The following TRDN variants were observed in gnomAD, a reference collection of about 807,000 sequenced individuals.
TRDN encodes the protein triadin, also known as triadin in skeletal muscle.
A neutral mutation model predicts 149.7 loss-of-function variants in TRDN; 161 were observed. The ratio of observed to expected loss-of-function variants is 1.08; its 90% confidence interval spans 0.95 to 1.23. The LOEUF (loss-of-function observed/expected upper bound fraction) is 1.23, where lower values mean the gene tolerates loss of function less well. TRDN is among the 50% of genes most tolerant of loss of function. The pLI is 0.00. For synonymous variants in TRDN, 294 were observed against 250.5 expected, an observed-to-expected ratio of 1.17 and a Z score of -1.64; for missense variants, 896 against 823.5, an observed-to-expected ratio of 1.09 and a Z score of -1.08.
intron 20 of TRDN, among the ~76,000 whole-genome samples, chr6:123,357,297 A>G (rs939301451): frequency 6.6e-6 from 1 of 152,080 alleles, no homozygotes; most frequent in African/African-American, 2.4e-5. Context: ...TTGATAATAA[A>G]TATTTTCAGT....
At chr6:123,314,883 A>G (rs1459800790) in intron 24 of TRDN, among the ~76,000 whole-genome samples, 1 of 151,994 alleles carries the variant, frequency 6.6e-6, no homozygotes, top group African/African-American at 2.4e-5. Flanking sequence ...AGAAAAAATA[A>G]CTAATGGATA....
chr6:123,580,263 T>C (rs1783057933), intron 1 of TRDN, among the ~76,000 whole-genome samples: 2 of 152,176 alleles, frequency 1.3e-5, no homozygotes, highest in African/African-American at 4.8e-5. Flanking sequence ...ACACTATTTT[T>C]TCTACAAACA....
chr6:123,418,716 C>G (rs1218246941), intron 12 of TRDN: 1 of 152,188 alleles, frequency 6.6e-6, no homozygotes, highest in African/African-American at 2.4e-5. Flanking sequence ...TCCATTCCAT[C>G]TTCTCGGTTT....
chr6:123,552,252 G>A (rs1349133436), intron 2 of TRDN, among the ~76,000 whole-genome samples: 2 of 152,108 alleles, frequency 1.3e-5, no homozygotes, highest in Admixed American at 6.6e-5. Flanking sequence ...TGATGAAAGA[G>A]TGCCAAGAGA....
At position 123,558,929 on chromosome 6, in the gene TRDN, G is replaced by A. The variant is rs139404136; in HGVS notation, c.233-10317C>T. Among the ~76,000 whole-genome samples the A allele has an allele frequency of 1.4e-3, 208 of 152,302 alleles. 4 individuals are homozygous for A. The East Asian group carries it at 0.036, about 27-fold the overall frequency. ...ACCTTGCCACAAGTGCCGGAAATCC[G>A]GCCACTGGGCCAACAAATGCCCATA... On this transcript the variant is annotated intron_variant, in intron 2 of 40. Coordinates refer to ENST00000334268, the MANE Select transcript of TRDN (RefSeq NM_006073.4).
rs921996852 is a variant in TRDN, at chr6:123,243,420, A to G, written c.1975+8992T>C. ...AAAGAAATACAATAATTGTCTAGCA[A>G]TAGATCCCAATGGAAAAGAAAATCA... On this transcript the variant is annotated intron_variant, in intron 38 of 40. Coordinates refer to ENST00000334268, the MANE Select transcript of TRDN (RefSeq NM_006073.4). 3.2e-4 allele frequency among the ~76,000 whole-genome samples: 48 copies of G among 152,334 alleles called. 1 individual carries two copies. Among genetic ancestry groups the G allele is most frequent in the African/African-American group, 1.1e-3 (47 of 41,596 alleles).
At chr6:123,401,965 A>G (rs1479238464) in intron 12 of TRDN, among the ~76,000 whole-genome samples, 1 of 152,148 alleles carries the variant, frequency 6.6e-6, no homozygotes, top group Admixed American at 6.5e-5. Flanking sequence ...AAAAAAAAAA[A>G]AAACTAAAGG....
chr6:123,344,452 C>G (rs1444734107), intron 21 of TRDN, among the ~76,000 whole-genome samples: 1 of 151,958 alleles, frequency 6.6e-6, no homozygotes, highest in East Asian at 1.9e-4. Flanking sequence ...CTCCCCAAAC[C>G]CTAGTAACCA....
At chr6:123,229,895 T>G (rs190349318) in intron 38 of TRDN, among the ~76,000 whole-genome samples, 1 of 152,116 alleles carries the variant, frequency 6.6e-6, no homozygotes, top group East Asian at 1.9e-4. Flanking sequence ...AAAATGCAGA[T>G]TTCTCATTCT....
chr6:123,271,733 C>G (rs947902521), intron 29 of TRDN, among the ~76,000 whole-genome samples: 1 of 151,900 alleles, frequency 6.6e-6, no homozygotes, highest in Non-Finnish European at 1.5e-5. Context: ...TGCCCTGATA[C>G]TACATGAAAT....
intron 24 of TRDN, among the ~76,000 whole-genome samples, chr6:123,300,604 C>T (rs1408762553): frequency 6.6e-6 from 1 of 151,764 alleles, no homozygotes; most frequent in Non-Finnish European, 1.5e-5. Context: ...ACTAAATTGG[C>T]TAAGAAATAG....
At chr6:123,416,019 T>C (rs1471000048) in intron 12 of TRDN, among the ~76,000 whole-genome samples, 1 of 152,118 alleles carries the variant, frequency 6.6e-6, no homozygotes, top group Non-Finnish European at 1.5e-5. Flanking sequence ...GGATGGAGTA[T>C]GACGTTCACA....
At chr6:123,609,061 T>C (rs1175201928) in intron 1 of TRDN, among the ~76,000 whole-genome samples, 1 of 151,974 alleles carries the variant, frequency 6.6e-6, no homozygotes. Context: ...TAATCCCAGC[T>C]ACTTGAGAGT....
At position 123,515,502 on chromosome 6, in the gene TRDN, G is replaced by C. The variant is rs540857366; in HGVS notation, c.550+639C>G. Among the ~76,000 whole-genome samples the C allele has an allele frequency of 4.6e-5, 7 of 151,670 alleles. No individual in the cohort carries two copies. The East Asian group carries it at 1.4e-3, about 29-fold the overall frequency. On this transcript the variant is annotated intron_variant, in intron 6 of 40. Coordinates refer to ENST00000334268, the MANE Select transcript of TRDN (RefSeq NM_006073.4). ...ATATGAGAAGATTTCAGGATATATT[G>C]TTAAATTGTAAAAGTCAGATTATAG...
chr6:123,590,157 C>T (rs546640817), intron 1 of TRDN, among the ~76,000 whole-genome samples: 8 of 152,226 alleles, frequency 5.3e-5, no homozygotes, highest in South Asian at 2.1e-4. Flanking sequence ...AGGTGAGCAG[C>T]GGGTGGGCAG....
chr6:123,594,065 A>G (rs1295219616), intron 1 of TRDN, among the ~76,000 whole-genome samples: 2 of 152,118 alleles, frequency 1.3e-5, no homozygotes, highest in African/African-American at 4.8e-5. Flanking sequence ...AAAAGTGTAT[A>G]TTTTAAAAGA....
chr6:123,433,141 T>TAA lies in TRDN; in HGVS notation c.1051+4920_1051+4921dup, dbSNP rs777839196. On this transcript the variant is annotated intron_variant, in intron 12 of 40. Transcript: ENST00000334268. ...CACACTCCCCTTCCCCCACACATCA[T>TAA]AAATATATATATATATATATAATAT... Among the ~76,000 whole-genome samples, 9 of 70,130 alleles carry TAA rather than the reference T, an allele frequency of 1.3e-4. No individual in the cohort carries two copies. In the East Asian group the frequency reaches 0.012, roughly 90 times the overall value. 46.0% of individuals were successfully genotyped at this position (70,130 alleles called of 152,430 possible).
intron 21 of TRDN, among the ~76,000 whole-genome samples, chr6:123,344,319 A>G (rs1258885688): frequency 6.6e-6 from 1 of 152,088 alleles, no homozygotes; most frequent in Non-Finnish European, 1.5e-5. Context: ...GTTCAATCTT[A>G]GTTTTATACA....
intron 7 of TRDN, chr6:123,510,131 A>G (rs1188790560): frequency 1.3e-5 from 2 of 152,144 alleles, no homozygotes; most frequent in Non-Finnish European, 2.9e-5. Context: ...GAAACAAAAT[A>G]AAATTACATT....
Sources: allele counts gnomAD v4.1 joint callset (sites outside exome capture counted in the v4.1 genomes callset), GRCh38; gene constraint gnomAD v4.1.1; transcripts MANE v1.5; gene names NCBI Gene and HGNC (gene_info 2026-07-23, HGNC 2026-07-21).